Variants in FAM83E observed in about 807,000 individuals in gnomAD.
FAM83E encodes the protein scaffolding CK1 anchoring protein E.
Under a neutral mutation model 34.3 loss-of-function variants are expected in FAM83E, and 29 were observed. The observed-to-expected ratio is 0.85, with a 90% CI of 0.63 to 1.15. The LOEUF (loss-of-function observed/expected upper bound fraction) is 1.15. FAM83E is among the 50% of genes most tolerant of loss of function. The pLI, the probability that FAM83E is intolerant of heterozygous loss-of-function variation, is 0.00. For missense variants in FAM83E, 697 were observed against 685.0 expected (o/e 1.02, Z -0.20); for synonymous variants, 312 against 311.6 (o/e 1.00, Z -0.01).
intron 6 of FAM83E, among the ~76,000 whole-genome samples, chr19:48,602,702 AAAATATATATATATATAT>A (rs1326501014): frequency 2.3e-4 from 10 of 42,890 alleles, no homozygotes; most frequent in Non-Finnish European, 3.2e-4. Flanking sequence ...AAAAAAAAAA[AAAATATATATATATATAT>A]ATATATATAT....
chr19:48,604,012 G>T, intron 5 of FAM83E, 101 bp from the exon 6 acceptor site: 1 of 1,221,910 alleles, frequency 8.2e-7, no homozygotes, highest in Non-Finnish European at 1.1e-6. Flanking sequence ...GACCTCAGGC[G>T]AGTCCTGACC....
chr19:48,612,852 T>C, intron 3 of FAM83E, 56 bp downstream of exon 3: 1 of 1,471,016 alleles, frequency 6.8e-7, no homozygotes, highest in Non-Finnish European at 9.1e-7. Context: ...AGGGAGAGAA[T>C]GCCTGGGTCC....
rs987706936 is a variant in FAM83E at position 48,609,862 on chromosome 19, G to T, written c.758+14C>A. On this transcript the variant is annotated intron_variant, in intron 5 of 6. Transcript: ENST00000263266. ...TAGGACGCCGGGAGGTGGGGGGCGG[G>T]GCGGGGGCTACACCTGTAGGATCCT... is the stretch of plus-strand genomic sequence containing the variant. The T allele has an allele frequency of 1.9e-6, 3 of 1,611,034 alleles. No individual in the cohort carries two copies. In the African/African-American group the frequency reaches 4.0e-5, roughly 22 times the overall value.
chr19:48,612,608 TG>T (rs1197340925), intron 3 of FAM83E, among the ~76,000 whole-genome samples: 2 of 152,096 alleles, frequency 1.3e-5, no homozygotes, highest in Non-Finnish European at 2.9e-5. Context: ...TTCACTATGT[TG>T]GCCAGGCTGG....
At chr19:48,602,095 T>C (rs1601121216) in intron 6 of FAM83E, among the ~76,000 whole-genome samples, 1 of 128,260 alleles carries the variant, frequency 7.8e-6, no homozygotes, top group Non-Finnish European at 1.6e-5. Flanking sequence ...TGAGCCGAGA[T>C]CATGCCACTG....
In FAM83E at chr19:48,602,706, TATATATATATATA is replaced by T. The variant is rs1973846203; in HGVS notation, c.1176+775_1176+787del. On this transcript the variant is annotated intron_variant, in intron 6 of 6. Coordinates refer to ENST00000263266, the MANE Select transcript of FAM83E (RefSeq NM_017708.4). Reference sequence around the variant, plus strand: ...TATCTCAAAAAAAAAAAAAAAAAAATATATATATATATATATATATATATATATATATATATAT... The same window carrying T: ...TATCTCAAAAAAAAAAAAAAAAAAATTATATATATATATATATATATATAT... Among the ~76,000 whole-genome samples the T allele has an allele frequency of 1.9e-4, 3 of 15,544 alleles. 1 individual carries two copies. Among genetic ancestry groups the T allele is most frequent in the African/African-American group, 1.1e-3 (3 of 2,766 alleles). The allele number at this position is 15,544 out of a possible 152,430, so 10.2% of individuals were successfully genotyped here.
chr19:48,610,168 G>T (rs1243908746), intron 4 of FAM83E, among the ~76,000 whole-genome samples, 168 bp from the exon 5 acceptor site: 3 of 152,136 alleles, frequency 2.0e-5, no homozygotes, highest in Non-Finnish European at 4.4e-5. Flanking sequence ...GGAGGCCGAG[G>T]CGGGTGGATC....
intron 5 of FAM83E, among the ~76,000 whole-genome samples, chr19:48,606,101 A>G (rs907282731): frequency 6.6e-6 from 1 of 151,886 alleles, no homozygotes; most frequent in Admixed American, 6.6e-5. Flanking sequence ...ACTTGAGCTC[A>G]AGAGTTCGCA....
At chr19:48,610,184 A>C (rs986642977) in intron 4 of FAM83E, among the ~76,000 whole-genome samples, 184 bp from the exon 5 acceptor site, 3 of 152,124 alleles carry the variant, frequency 2.0e-5, no homozygotes, top group Non-Finnish European at 1.5e-5. Context: ...GGATCAGCTG[A>C]GGTCAGGAGG....
At chr19:48,612,002 C>T (rs888757124) in intron 3 of FAM83E, among the ~76,000 whole-genome samples, 2 of 152,164 alleles carry the variant, frequency 1.3e-5, no homozygotes, top group African/African-American at 4.8e-5. Context: ...CTGGATCTTG[C>T]AGGCAGCATA....
Position 48,613,507 on chromosome 19 carries a change from G to A in FAM83E, c.-135C>T, listed in dbSNP as rs1406498404. On this transcript the variant is annotated 5_prime_UTR_variant, in exon 3 of 7. Transcript: ENST00000263266. ...GTGGCCATCCGAGGCCTCCGGCGGGGCCCTGCAGATGTCCAAATGGCTCCC... is the reference window on the plus strand; with the variant it reads ...GTGGCCATCCGAGGCCTCCGGCGGGACCCTGCAGATGTCCAAATGGCTCCC... 6 of 1,427,656 alleles carry A rather than the reference G, an allele frequency of 4.2e-6. No homozygotes were observed. In the East Asian group the frequency reaches 7.5e-5, roughly 18 times the overall value. The allele number at this position is 1,427,656 out of a possible 1,614,324, so 88.4% of individuals were successfully genotyped here. A position where few individuals can be genotyped will look rare whatever the true frequency, so the allele number is the denominator to read the frequency against.
intron 4 of FAM83E, 56 bp downstream of exon 4, chr19:48,610,615 TCTGCCCCCA>T: frequency 6.7e-7 from 1 of 1,502,608 alleles, no homozygotes; most frequent in Non-Finnish European, 8.9e-7. Context: ...CATGGAAGGG[TCTGCCCCCA>T]CTGCCCCCAT....
At chr19:48,604,229 C>T (rs1568418694) in intron 5 of FAM83E, among the ~76,000 whole-genome samples, 1 of 150,090 alleles carries the variant, frequency 6.7e-6, no homozygotes, top group African/African-American at 2.5e-5. Flanking sequence ...CCTATCTCTA[C>T]AAAAAATCAA....
At chr19:48,607,249 T>C in intron 5 of FAM83E, 1 of 1,609,576 alleles carries the variant, frequency 6.2e-7, no homozygotes, top group South Asian at 1.1e-5. Context: ...CACCAACTGC[T>C]GCACCGGCCG....
At chr19:48,607,527 G>T in intron 5 of FAM83E, 1 of 850,150 alleles carries the variant, frequency 1.2e-6, no homozygotes, top group Non-Finnish European at 1.8e-6. Context: ...GCATCCCCAG[G>T]CCTGACTGAG....
At position 48,609,895 on chromosome 19, in the gene FAM83E, C is replaced by T; in HGVS notation, c.739G>A (p.Val247Ile). Residue 247 changes from valine to isoleucine, a missense_variant, in exon 5 of 7, where the codon GTC becomes ATC. Coordinates refer to ENST00000263266, the MANE Select transcript of FAM83E (RefSeq NM_017708.4). ...EKFVLLDGER[V>I]ISGSYSFTWS... ...CTACACCTGTAGGATCCTGAGATGA[C>T]CCTCTCGCCGTCCAGCAGCACAAAC... 1.2e-6 allele frequency: 2 copies of T among 1,612,826 alleles called. No homozygotes were observed. Among genetic ancestry groups the T allele is most frequent in the African/African-American group, 1.3e-5 (1 of 74,996 alleles).
chr19:48,607,109 A>G (rs1973945445), intron 5 of FAM83E: 1 of 1,613,150 alleles, frequency 6.2e-7, no homozygotes, highest in Non-Finnish European at 8.5e-7. Flanking sequence ...TGTGGCGATG[A>G]CGAGGACTGC....
At chr19:48,606,704 C>T (rs1002689455) in intron 5 of FAM83E, 42 of 488,122 alleles carry the variant, frequency 8.6e-5, no homozygotes, top group African/African-American at 5.2e-4. Context: ...ATCCCCAGAG[C>T]GGCCAGTGGG....
chr19:48,612,329 G>A (rs1408769311), intron 3 of FAM83E, among the ~76,000 whole-genome samples: 2 of 151,858 alleles, frequency 1.3e-5, no homozygotes, highest in Non-Finnish European at 2.9e-5. Context: ...GACTGGGGGT[G>A]TCATAATTAG....
Sources: gnomAD v4.1 joint callset for allele counts (sites outside exome capture counted in the v4.1 genomes callset) on GRCh38, gnomAD v4.1.1 for gene constraint, MANE v1.5 for transcripts, NCBI Gene and HGNC (gene_info 2026-07-23, HGNC 2026-07-21) for gene names.